Variants in RETREG1 observed in about 807,000 individuals in gnomAD.
RETREG1 encodes the protein reticulophagy regulator 1.
A neutral mutation model predicts 54.8 loss-of-function variants in RETREG1; 44 were observed. The observed-to-expected ratio is 0.80, with a 90% CI of 0.63 to 1.03. RETREG1 has a LOEUF of 1.03. Among genes scored for constraint, RETREG1 ranks in the 50% least tolerant of loss-of-function variants. The pLI, the probability that RETREG1 is intolerant of heterozygous loss-of-function variation, is 0.00. For synonymous variants in RETREG1, 217 were observed against 238.5 expected (o/e 0.91, Z 0.83); for missense variants, 554 against 605.1 (o/e 0.92, Z 0.89).
At chr5:16,526,402 G>A (rs1367178102) in intron 3 of RETREG1, among the ~76,000 whole-genome samples, 1 of 152,202 alleles carries the variant, frequency 6.6e-6, no homozygotes, top group Non-Finnish European at 1.5e-5. Context: ...ACAAGCCAGG[G>A]CTAAAGCAGG....
intron 3 of RETREG1, among the ~76,000 whole-genome samples, chr5:16,551,300 CA>C (rs11307693): frequency 0.34 from 51,367 of 151,636 alleles, 10,175 homozygotes; most frequent in Non-Finnish European, 0.44. Flanking sequence ...CACATATAAA[CA>C]AAAAAACATG....
intron 1 of RETREG1, among the ~76,000 whole-genome samples, chr5:16,599,069 G>C (rs1362710170): frequency 2.0e-5 from 3 of 152,100 alleles, no homozygotes; most frequent in Admixed American, 2.0e-4. Context: ...TTAGCTGAGT[G>C]TGGTGGCACA....
Position 16,475,028 on chromosome 5 carries a change from C to A in RETREG1, c.1207G>T (p.Asp403Tyr). The change falls in exon 9 of 9, where the codon GAC becomes TAC. Residue 403 changes from aspartate to tyrosine, a missense_variant. This residue lies in a region of RETREG1 where 347 missense variants were observed against 412.3 expected (regional missense o/e 0.84). Transcript: ENST00000306320. ...AAGLTLPLNS[D>Y]QTFHLMSNLA... ...TTGCTCATCAGGTGAAAGGTTTGGT[C>A]ACTGTTCAGAGGAAGGGTGAGACCA... The A allele has an allele frequency of 6.2e-7, 1 of 1,613,756 alleles. No homozygotes were observed. The highest frequency in any genetic ancestry group is 1.1e-5 in the South Asian group (1 of 91,066).
chr5:16,525,772 G>GAGA (rs33995259), intron 3 of RETREG1, among the ~76,000 whole-genome samples: 42,852 of 151,242 alleles, frequency 0.28, 6,957 homozygotes, highest in Middle Eastern at 0.41. Context: ...ACACAGAGAG[G>GAGA]GAGAGAGAGA....
At chr5:16,531,705 C>T (rs540626819) in intron 3 of RETREG1, among the ~76,000 whole-genome samples, 21 of 152,154 alleles carry the variant, frequency 1.4e-4, no homozygotes, top group African/African-American at 4.6e-4. Flanking sequence ...GCAAGACACG[C>T]GTGGCACATC....
chr5:16,573,700 GT>G (rs11330773), intron 1 of RETREG1, among the ~76,000 whole-genome samples: 112,112 of 137,316 alleles, frequency 0.82, 45,783 homozygotes, highest in Middle Eastern at 0.87. Context: ...GCAGGGAATG[GT>G]TTTTTTTTTT....
chr5:16,498,254 T>C (rs1008285953), intron 3 of RETREG1, among the ~76,000 whole-genome samples: 1 of 152,234 alleles, frequency 6.6e-6, no homozygotes, highest in Admixed American at 6.5e-5. Context: ...CTGGATGGGA[T>C]AGTCTACTAC....
At chr5:16,568,469 C>A (rs566479907) in intron 2 of RETREG1, among the ~76,000 whole-genome samples, 1 of 152,240 alleles carries the variant, frequency 6.6e-6, no homozygotes, top group African/African-American at 2.4e-5. Flanking sequence ...GACAGGGTTT[C>A]ACCATGTTGA....
chr5:16,573,947 G>A (rs948276355), intron 1 of RETREG1, among the ~76,000 whole-genome samples: 1 of 152,008 alleles, frequency 6.6e-6, no homozygotes, highest in Non-Finnish European at 1.5e-5. Context: ...GGGTTTCACC[G>A]TGTTGGCCAG....
chr5:16,503,000 T>C (rs368747698), intron 3 of RETREG1, among the ~76,000 whole-genome samples: 2 of 152,346 alleles, frequency 1.3e-5, no homozygotes, highest in South Asian at 2.1e-4. Flanking sequence ...TGGCCAACCA[T>C]AGCAGCTGCA....
intron 2 of RETREG1, among the ~76,000 whole-genome samples, chr5:16,568,337 T>C (rs1226569705): frequency 2.6e-5 from 4 of 151,694 alleles, no homozygotes; most frequent in Admixed American, 2.6e-4. Flanking sequence ...AATGACGTGA[T>C]CTCAGCTCAC....
At chr5:16,614,732 C>T (rs1743443112) in intron 1 of RETREG1, among the ~76,000 whole-genome samples, 1 of 152,146 alleles carries the variant, frequency 6.6e-6, no homozygotes, top group Non-Finnish European at 1.5e-5. Flanking sequence ...AGCTATAATG[C>T]TGAAATAGCA....
chr5:16,615,950 T>G (rs1464102036), intron 1 of RETREG1: 1 of 152,186 alleles, frequency 6.6e-6, no homozygotes, highest in African/African-American at 2.4e-5. Context: ...AGACAGACAT[T>G]TCCCTGGCCT....
At chr5:16,504,431 A>G (rs558289179) in intron 3 of RETREG1, among the ~76,000 whole-genome samples, 15 of 152,278 alleles carry the variant, frequency 9.9e-5, no homozygotes, top group African/African-American at 3.6e-4. Flanking sequence ...GAATCAGCAA[A>G]TGCTAAAGAT....
chr5:16,477,196 A>G (rs1738574735), intron 8 of RETREG1, among the ~76,000 whole-genome samples: 1 of 152,156 alleles, frequency 6.6e-6, no homozygotes, highest in African/African-American at 2.4e-5. Context: ...TACTTTTTAA[A>G]AAACAGCTTT....
At chr5:16,606,382 AT>A (rs1561137698) in intron 1 of RETREG1, among the ~76,000 whole-genome samples, 1 of 152,042 alleles carries the variant, frequency 6.6e-6, no homozygotes, top group Non-Finnish European at 1.5e-5. Context: ...TCCCCAGGAA[AT>A]TTCACACGTT....
At chr5:16,528,116 CTTATTT>C (rs1740780776) in intron 3 of RETREG1, among the ~76,000 whole-genome samples, 1 of 152,028 alleles carries the variant, frequency 6.6e-6, no homozygotes, top group Admixed American at 6.6e-5. Context: ...GCCAGGGACT[CTTATTT>C]TTAAACACGC....
intron 3 of RETREG1, among the ~76,000 whole-genome samples, chr5:16,492,497 C>A (rs899647739): frequency 6.6e-6 from 1 of 151,218 alleles, no homozygotes; most frequent in Admixed American, 6.6e-5. Flanking sequence ...TTTGTTATAA[C>A]TCGTCACCTG....
chr5:16,553,260 C>T (rs988376604), intron 3 of RETREG1, among the ~76,000 whole-genome samples: 1 of 151,664 alleles, frequency 6.6e-6, no homozygotes, highest in African/African-American at 2.4e-5. Context: ...GAATATCGTA[C>T]AGCCACAAAA....
Sources: allele counts gnomAD v4.1 joint callset (sites outside exome capture counted in the v4.1 genomes callset), GRCh38; gene constraint gnomAD v4.1.1; regional missense constraint gnomAD v4.1.1; transcripts MANE v1.5; gene names NCBI Gene and HGNC (gene_info 2026-07-23, HGNC 2026-07-21).